CNGB1: variants seen among roughly 807,000 people sequenced by gnomAD.
The protein encoded by CNGB1 is cyclic nucleotide-gated channel beta-1.
A neutral mutation model predicts 151.7 loss-of-function variants in CNGB1; 126 were observed. The observed-to-expected ratio is 0.83, with a 90% CI of 0.72 to 0.96. The LOEUF (loss-of-function observed/expected upper bound fraction) is 0.96, where lower values mean the gene tolerates loss of function less well. Ranked by LOEUF, CNGB1 falls within the 40% of genes least tolerant of loss-of-function variation. CNGB1 has a pLI of 0.00. For synonymous variants in CNGB1, 623 were observed against 635.1 expected (o/e 0.98, Z 0.29); for missense variants, 1,698 against 1,627.0 (o/e 1.04, Z -0.75).
intron 9 of CNGB1, 120 bp downstream of exon 9, chr16:57,960,362 C>A (rs931325812): frequency 2.3e-5 from 31 of 1,357,284 alleles, no homozygotes; most frequent in Non-Finnish European, 3.1e-5. Flanking sequence ...AAGCCCTGAA[C>A]CCCGTCCTAG....
intron 25 of CNGB1, among the ~76,000 whole-genome samples, chr16:57,910,093 C>T (rs1217220265): frequency 6.6e-6 from 1 of 152,234 alleles, no homozygotes; most frequent in Non-Finnish European, 1.5e-5. Context: ...GAACGGACCC[C>T]TCCTCTTGGC....
At chr16:57,933,658 G>A (rs542231345) in intron 16 of CNGB1, among the ~76,000 whole-genome samples, 1 of 152,310 alleles carries the variant, frequency 6.6e-6, no homozygotes, top group Admixed American at 6.5e-5. Context: ...CCCCAAAAGC[G>A]GGAAGCAGGG....
At chr16:57,902,706 G>A (rs1960424462) in intron 27 of CNGB1, among the ~76,000 whole-genome samples, 1 of 152,084 alleles carries the variant, frequency 6.6e-6, no homozygotes. Context: ...ACTTCCTCAG[G>A]CTCAAGCGAT....
intron 32 of CNGB1, among the ~76,000 whole-genome samples, chr16:57,884,979 C>A (rs932628147): frequency 6.6e-6 from 1 of 152,194 alleles, no homozygotes; most frequent in Non-Finnish European, 1.5e-5. Context: ...CAGGGATACC[C>A]TGGGGCTGGG....
At position 57,917,410 on chromosome 16, in the gene CNGB1, G is replaced by A; in HGVS notation, c.2024C>T (p.Pro675Leu). 1 of 1,614,086 alleles carries A rather than the reference G, an allele frequency of 6.2e-7. No individual in the cohort carries two copies. The highest frequency in any genetic ancestry group is 1.1e-5 in the South Asian group (1 of 91,078). Residue 675 changes from proline (P) to leucine (L), a missense_variant, in exon 21 of 33, where the codon CCC (proline) becomes CTC (leucine). Physicochemically the swap from Pro to Leu is moderately conservative, Grantham distance 98. Coordinates refer to ENST00000251102, the MANE Select transcript of CNGB1 (RefSeq NM_001297.5). ...MAWNWNCWLIPVRWAFPYQTP... is the reference protein window; with the variant it reads ...MAWNWNCWLILVRWAFPYQTP... ...CTGGTAGGGGAAGGCCCAGCGCACG[G>A]GAATCAGCCAACAGTTCCAATTCCA...
intron 31 of CNGB1, among the ~76,000 whole-genome samples, chr16:57,895,701 A>G (rs1447408800): frequency 6.6e-6 from 1 of 152,034 alleles, no homozygotes; most frequent in African/African-American, 2.4e-5. Flanking sequence ...ATCCCCCAGT[A>G]AAAGGAATCA....
intron 16 of CNGB1, chr16:57,936,963 G>T (rs1961528191): frequency 6.6e-6 from 1 of 152,306 alleles, no homozygotes; most frequent in Non-Finnish European, 1.5e-5. Context: ...CAGAGGAAAA[G>T]GAGATGGTTT....
At chr16:57,926,710 T>A (rs1567381071) in intron 17 of CNGB1, among the ~76,000 whole-genome samples, 3 of 152,196 alleles carry the variant, frequency 2.0e-5, no homozygotes, top group Admixed American at 6.5e-5. Flanking sequence ...CTGGATGCTG[T>A]GGCTTACACC....
intron 8 of CNGB1, 141 bp from the exon 9 acceptor site, chr16:57,960,671 C>A (rs1211141876): frequency 2.3e-6 from 3 of 1,296,796 alleles, no homozygotes; most frequent in East Asian, 5.0e-5. Context: ...TGAATCCCGG[C>A]CCCCTCTCAC....
Position 57,917,288 on chromosome 16 carries a change from C to G in CNGB1, c.2146G>C (p.Val716Leu), listed in dbSNP as rs1226649675. The change falls in exon 21 of 33, where the codon GTC (valine) becomes CTC (leucine). Residue 716 changes from valine (V) to leucine (L), a missense_variant. Coordinates refer to ENST00000251102, the MANE Select transcript of CNGB1 (RefSeq NM_001297.5). ...CTCACAATGATGTCCCCGCCTCTGA[C>G]AAACTGCAGGCGTGTCTGGAACACG... ...ITVFQTRLQF[V>L]RGGDIITDKK... is the part of the protein sequence containing the mutation. 1 of 1,614,026 alleles carries G rather than the reference C, an allele frequency of 6.2e-7. No individual in the cohort carries two copies.
chr16:57,886,261 G>C (rs1296975086), intron 32 of CNGB1, among the ~76,000 whole-genome samples: 5 of 152,098 alleles, frequency 3.3e-5, no homozygotes, highest in African/African-American at 1.2e-4. Context: ...CCTTTTAATG[G>C]AACACTCATG....
At chr16:57,901,253 G>A (rs1336720366) in intron 29 of CNGB1, 99 bp downstream of exon 29, 20 of 1,156,026 alleles carry the variant, frequency 1.7e-5, no homozygotes, top group South Asian at 1.1e-4. Context: ...CAACAATCTC[G>A]CTCTGCCCTG....
intron 1 of CNGB1, among the ~76,000 whole-genome samples, chr16:57,967,841 G>T (rs746700833): frequency 6.6e-6 from 1 of 151,884 alleles, no homozygotes; most frequent in African/African-American, 2.4e-5. Context: ...ATTACTCAAG[G>T]CCATAAATAT....
intron 25 of CNGB1, among the ~76,000 whole-genome samples, chr16:57,907,632 A>G (rs1451739659): frequency 2.0e-5 from 3 of 152,238 alleles, no homozygotes; most frequent in Non-Finnish European, 4.4e-5. Flanking sequence ...ACAGAGTTCA[A>G]TTCCATGCAG....
At chr16:57,922,728 C>T (rs147204898) in intron 18 of CNGB1, among the ~76,000 whole-genome samples, 594 of 152,248 alleles carry the variant, frequency 3.9e-3, no homozygotes, top group Non-Finnish European at 6.1e-3. Flanking sequence ...CACGCCTGGC[C>T]GTCATCATAG....
At chr16:57,937,221 C>T (rs1961536076) in intron 16 of CNGB1, 1 of 152,688 alleles carries the variant, frequency 6.5e-6, no homozygotes, top group Non-Finnish European at 1.5e-5. Context: ...AGATGCTCTA[C>T]CAGGTTTTGG....
intron 22 of CNGB1, among the ~76,000 whole-genome samples, chr16:57,915,897 C>CAAAA (rs36093437): frequency 3.9e-5 from 4 of 103,266 alleles, no homozygotes; most frequent in African/African-American, 1.3e-4. Flanking sequence ...GACCCTGTCT[C>CAAAA]AAAAAAAAAA....
intron 18 of CNGB1, among the ~76,000 whole-genome samples, chr16:57,920,790 A>T (rs1961011652): frequency 6.6e-6 from 1 of 152,210 alleles, no homozygotes; most frequent in Non-Finnish European, 1.5e-5. Context: ...GTAGGCTCTG[A>T]TTCAGATGGG....
At chr16:57,885,863 G>A (rs1212017434) in intron 32 of CNGB1, among the ~76,000 whole-genome samples, 1 of 152,054 alleles carries the variant, frequency 6.6e-6, no homozygotes, top group Non-Finnish European at 1.5e-5. Context: ...CAAAGTGCTG[G>A]GATGACAGGG....
Sources: gnomAD v4.1 joint callset for allele counts (sites outside exome capture counted in the v4.1 genomes callset) on GRCh38, gnomAD v4.1.1 for gene constraint, MANE v1.5 for transcripts, NCBI Gene and HGNC (gene_info 2026-07-23, HGNC 2026-07-21) for gene names.